AHNAK: variants seen among roughly 807,000 people sequenced by gnomAD.
The protein encoded by AHNAK is neuroblast differentiation-associated protein AHNAK.
A neutral mutation model predicts 37.8 loss-of-function variants in AHNAK; 23 were observed. The ratio of observed to expected loss-of-function variants is 0.61; its 90% CI spans 0.44 to 0.86. The LOEUF (loss-of-function observed/expected upper bound fraction) is 0.86, where lower values mean the gene tolerates loss of function less well. AHNAK is among the 40% of genes least tolerant of loss of function. AHNAK has a pLI of 0.00. For missense variants in AHNAK, 7,411 were observed against 7,319.4 expected (o/e 1.01, Z -0.46); for synonymous variants, 2,481 against 2,636.3 (o/e 0.94, Z 1.80).
chr11:62,522,190 T>A lies in AHNAK; in HGVS notation c.12227A>T (p.Glu4076Val). 6 of 1,613,322 alleles carry A rather than the reference T, an allele frequency of 3.7e-6. No individual in the cohort carries two copies. The highest frequency in any genetic ancestry group is 5.1e-6 in the Non-Finnish European group (6 of 1,179,894). Residue 4076 changes from glutamate to valine, a missense_variant, in exon 5 of 5, where the codon GAG becomes GTG. Coordinates refer to ENST00000378024, the MANE Select transcript of AHNAK (RefSeq NM_001620.3). ...CAAATTAACATCCACTTCTGGGCCC[T>A]CTCCTTTAAATCCTGGCATGCTGAA... ...PKFSMPGFKGEGPEVDVNLPK... is the reference protein window; with the variant it reads ...PKFSMPGFKGVGPEVDVNLPK...
At chr11:62,507,970 G>A (rs1939838681) in intron 4 of AHNAK, among the ~76,000 whole-genome samples, 1 of 152,104 alleles carries the variant, frequency 6.6e-6, no homozygotes, top group Non-Finnish European at 1.5e-5. Flanking sequence ...TTGAGACTGG[G>A]TCTCGCTCTG....
intron 5 of AHNAK, among the ~76,000 whole-genome samples, chr11:62,465,485 C>T (rs77262695): frequency 4.6e-5 from 7 of 151,906 alleles, no homozygotes; most frequent in East Asian, 3.9e-4. Flanking sequence ...TTGTGGCAGG[C>T]GCCTGTAATC....
chr11:62,486,060 G>C (rs1422522418), intron 5 of AHNAK, among the ~76,000 whole-genome samples: 1 of 149,764 alleles, frequency 6.7e-6, no homozygotes, highest in African/African-American at 2.4e-5. Flanking sequence ...GAAATGAAAT[G>C]AAATTCTAAC....
Position 62,522,931 on chromosome 11 carries a change from G to A in AHNAK, c.11486C>T (p.Pro3829Leu). The change falls in exon 5 of 5, where the codon CCC (proline) becomes CTC (leucine). Residue 3829 changes from proline (P) to leucine (L), a missense_variant. Physicochemically the swap from Pro to Leu is moderately conservative, Grantham distance 98. Transcript: ENST00000378024. ...GEGPDVDVNL[P>L]KADLDVSGPK... is the part of the protein sequence containing the mutation. ...TCCTGAGACATCAAGGTCAGCCTTG[G>A]GCAGGTTCACATCCACATCTGGGCC... 1 of 1,612,814 alleles carries A rather than the reference G, an allele frequency of 6.2e-7. No individual in the cohort carries two copies. Among genetic ancestry groups the A allele is most frequent in the Non-Finnish European group, 8.5e-7 (1 of 1,179,780 alleles).
chr11:62,529,906 G>T lies in AHNAK; in HGVS notation c.4511C>A (p.Pro1504Gln), dbSNP rs369302208. ...CTTGGGCATCTTCAGGTGCCAGTCT[G>T]GGCCATGAACCTCCACATCTGGTGC... ...INAPDVEVHG[P>Q]DWHLKMPKVK... The change falls in exon 5 of 5, where the codon CCA (proline) becomes CAA (glutamine). Residue 1504 changes from proline to glutamine, a missense_variant. Physicochemically the swap from Pro to Gln is moderately conservative, Grantham distance 76. Coordinates refer to ENST00000378024, the MANE Select transcript of AHNAK (RefSeq NM_001620.3). The T allele has an allele frequency of 4.3e-6, 7 of 1,613,044 alleles. No individual in the cohort carries two copies. The African/African-American group carries it at 9.4e-5, about 22-fold the overall frequency.
At chr11:62,503,921 G>T (rs1194788836) in intron 4 of AHNAK, among the ~76,000 whole-genome samples, 1 of 152,108 alleles carries the variant, frequency 6.6e-6, no homozygotes, top group Non-Finnish European at 1.5e-5. Flanking sequence ...TGCACTTTGG[G>T]AGGCCGAGGC....
At position 62,529,134 on chromosome 11, in the gene AHNAK, T is replaced by G. The variant is rs1432693075; in HGVS notation, c.5283A>C (p.Glu1761Asp). 1 of 1,614,140 alleles carries G rather than the reference T, an allele frequency of 6.2e-7. No individual in the cohort carries two copies. The highest frequency in any genetic ancestry group is 8.5e-7 in the Non-Finnish European group (1 of 1,180,018). The change falls in exon 5 of 5, where the codon GAA (glutamate) becomes GAC (aspartate). Residue 1761 changes from glutamate (E) to aspartate (D), a missense_variant. Physicochemically the swap from Glu to Asp is conservative, Grantham distance 45 (BLOSUM62 2). Coordinates refer to ENST00000378024, the MANE Select transcript of AHNAK (RefSeq NM_001620.3). ...DAPDLDIEGP[E>D]GKLKGSKFKM... ...TAAATTTGGAGCCTTTCAACTTTCC[T>G]TCTGGTCCCTCAATATCCAAATCAG...
In AHNAK at chr11:62,519,662, G is replaced by C. The variant is rs1388656475; in HGVS notation, c.14755C>G (p.Pro4919Ala). The C allele has an allele frequency of 6.2e-7, 1 of 1,613,994 alleles. No homozygotes were observed. Among genetic ancestry groups the C allele is most frequent in the East Asian group, 2.2e-5 (1 of 44,864 alleles). ...GCCTTGAGATGCAAATCAACATCAG[G>C]AGCAGTTACTTTAGGAGCAGATATC... ...LEISAPKVTA[P>A]DVDLHLKAPK... The change falls in exon 5 of 5, where the codon CCT becomes GCT. Residue 4919 changes from proline (P) to alanine (A), a missense_variant. Transcript: ENST00000378024.
intron 4 of AHNAK, among the ~76,000 whole-genome samples, chr11:62,499,220 G>A (rs1281422755): frequency 6.6e-6 from 1 of 152,142 alleles, no homozygotes; most frequent in Non-Finnish European, 1.5e-5. Context: ...CAGACCCATA[G>A]CATCCGACTG....
chr11:62,526,871 G>C lies in AHNAK; in HGVS notation c.7546C>G (p.Pro2516Ala). The C allele has an allele frequency of 2.5e-6, 4 of 1,614,002 alleles. No homozygotes were observed. Among genetic ancestry groups the C allele is most frequent in the Non-Finnish European group, 3.4e-6 (4 of 1,180,016 alleles). ...WHLKMPKMKM[P>A]KFSMPGFKAE... ...TTGAAGCCAGGCATGCTGAACTTGG[G>C]CATTTTCATCTTGGGCATCTTCAGG... The change falls in exon 5 of 5, where the codon CCC (proline) becomes GCC (alanine). Residue 2516 changes from proline to alanine, a missense_variant. Physicochemically the swap from Pro to Ala is conservative, Grantham distance 27. Transcript: ENST00000378024.
At chr11:62,450,066 G>A (rs1227152050) in intron 5 of AHNAK, among the ~76,000 whole-genome samples, 6 of 151,932 alleles carry the variant, frequency 3.9e-5, no homozygotes, top group East Asian at 1.9e-4. Context: ...GCAGCATAGC[G>A]AGACCCTGTT....
At position 62,525,448 on chromosome 11, in the gene AHNAK, C is replaced by T; in HGVS notation, c.8969G>A (p.Gly2990Asp). ...GTCAACTTCAGGGCCCTTGAGGTCA[C>T]CTTCCACTTTGGGCAGAGAAATATC... ...DVDISLPKVE[G>D]DLKGPEVDIR... Residue 2990 changes from glycine (G) to aspartate (D), a missense_variant, in exon 5 of 5, where the codon GGT becomes GAT. Coordinates refer to ENST00000378024, the MANE Select transcript of AHNAK (RefSeq NM_001620.3). The T allele has an allele frequency of 6.2e-7, 1 of 1,613,554 alleles. No homozygotes were observed.
chr11:62,491,228 A>G (rs929935277), intron 5 of AHNAK, among the ~76,000 whole-genome samples: 3 of 151,942 alleles, frequency 2.0e-5, no homozygotes, highest in African/African-American at 4.9e-5. Context: ...CATAGCCCAC[A>G]GTCACTCACT....
chr11:62,454,423 A>AG (rs1565199466), intron 5 of AHNAK, among the ~76,000 whole-genome samples: 3 of 133,590 alleles, frequency 2.2e-5, no homozygotes, highest in African/African-American at 7.5e-5. Context: ...AAAAAAAAAA[A>AG]AAAAAGAAAA....
Position 62,522,827 on chromosome 11 carries a change from G to A in AHNAK, c.11590C>T (p.Pro3864Ser), listed in dbSNP as rs574673423. 2.5e-5 allele frequency: 41 copies of A among 1,613,406 alleles called. No individual in the cohort carries two copies. The highest frequency in any genetic ancestry group is 1.6e-4 in the Middle Eastern group (1 of 6,062). ...GKLKGPKFKM[P>S]EMNIKAPKIS... ...TTGGGGGCTTTGATGTTCATCTCAG[G>A]CATCTTGAATTTGGGACCTTTCAAC... Residue 3864 changes from proline to serine, a missense_variant, in exon 5 of 5, where the codon CCT becomes TCT. Coordinates refer to ENST00000378024, the MANE Select transcript of AHNAK (RefSeq NM_001620.3).
intron 1 of AHNAK, among the ~76,000 whole-genome samples, chr11:62,538,225 C>T (rs1278277997): frequency 4.6e-5 from 7 of 152,150 alleles, no homozygotes; most frequent in African/African-American, 2.4e-5. Flanking sequence ...CACCAGGCAC[C>T]GCCCAAGCCC....
chr11:62,544,716 C>G (rs1054803590), intron 1 of AHNAK, among the ~76,000 whole-genome samples: 1 of 152,186 alleles, frequency 6.6e-6, no homozygotes. Context: ...GAGAAGGAAG[C>G]TTCCCCCCAT....
At chr11:62,535,304 T>C in intron 3 of AHNAK, 114 bp from the exon 4 acceptor site, 1 of 969,810 alleles carries the variant, frequency 1.0e-6, no homozygotes, top group Non-Finnish European at 1.5e-6. Context: ...CCCTGCAAGG[T>C]GGGCATGGTA....
chr11:62,513,279 G>A (rs933714396), downstream of AHNAK, among the ~76,000 whole-genome samples: 1 of 152,220 alleles, frequency 6.6e-6, no homozygotes, highest in African/African-American at 2.4e-5. Flanking sequence ...GCTCACGCCT[G>A]TAATCCCAAC....
Sources: allele counts gnomAD v4.1 joint callset (sites outside exome capture counted in the v4.1 genomes callset), GRCh38; gene constraint gnomAD v4.1.1; transcripts MANE v1.5; gene names NCBI Gene and HGNC (gene_info 2026-07-23, HGNC 2026-07-21).